Variants in SEMA5A observed in about 807,000 individuals in gnomAD.
SEMA5A encodes the protein semaphorin 5A.
SEMA5A carries 55 observed loss-of-function variants against 135.5 expected under a neutral mutation model. The observed-to-expected ratio is 0.41, with a 90% CI of 0.33 to 0.51. SEMA5A has a LOEUF of 0.51. Among genes scored for constraint, SEMA5A ranks in the 20% least tolerant of loss-of-function variants. The pLI, the probability that SEMA5A is intolerant of heterozygous loss-of-function variation, is 0.37. For missense variants in SEMA5A, 1,290 were observed against 1,419.9 expected (o/e 0.91, Z 1.47); for synonymous variants, 580 against 546.5 (o/e 1.06, Z -0.85).
chr5:9,540,381 A>C (rs1044052791), intron 1 of SEMA5A, among the ~76,000 whole-genome samples: 1 of 151,574 alleles, frequency 6.6e-6, no homozygotes, highest in Non-Finnish European at 1.5e-5. Flanking sequence ...CGAGGTCAGG[A>C]GATCGAGACC....
chr5:9,463,257 T>C (rs1357940264), intron 1 of SEMA5A, among the ~76,000 whole-genome samples: 2 of 152,064 alleles, frequency 1.3e-5, no homozygotes, highest in East Asian at 1.9e-4. Context: ...TAAAAGATCA[T>C]TGAAACAACT....
chr5:9,407,004 A>G (rs995660518), intron 2 of SEMA5A, among the ~76,000 whole-genome samples: 1 of 152,340 alleles, frequency 6.6e-6, no homozygotes, highest in African/African-American at 2.4e-5. Flanking sequence ...GTCATTTTGG[A>G]CAGGATACAT....
intron 17 of SEMA5A, among the ~76,000 whole-genome samples, chr5:9,063,855 T>G (rs979745762): frequency 2.6e-5 from 4 of 152,242 alleles, no homozygotes; most frequent in Non-Finnish European, 5.9e-5. Context: ...TTGTGGGTGA[T>G]GTGTACAGTG....
At chr5:9,304,172 T>G (rs1421185821) in intron 5 of SEMA5A, among the ~76,000 whole-genome samples, 1 of 152,150 alleles carries the variant, frequency 6.6e-6, no homozygotes, top group Non-Finnish European at 1.5e-5. Context: ...TGTATACCTA[T>G]TTATCTTTGT....
At chr5:9,273,171 C>A (rs114874738) in intron 5 of SEMA5A, among the ~76,000 whole-genome samples, 2,307 of 152,060 alleles carry the variant, frequency 0.015, 72 homozygotes, top group African/African-American at 0.053. Context: ...AAAAACACAG[C>A]AAGAGAAATT....
At chr5:9,502,263 T>C (rs1247116041) in intron 1 of SEMA5A, among the ~76,000 whole-genome samples, 1 of 152,160 alleles carries the variant, frequency 6.6e-6, no homozygotes, top group Admixed American at 6.5e-5. Context: ...AGGATGGGTG[T>C]AACACGCATA....
At chr5:9,201,923 A>T in intron 9 of SEMA5A, 32 bp downstream of exon 9, 11 of 1,595,194 alleles carry the variant, frequency 6.9e-6, no homozygotes, top group Non-Finnish European at 9.4e-6. Context: ...TGAGTAAGAG[A>T]GAGGGGAGAA....
At chr5:9,528,265 C>A (rs1330728512) in intron 1 of SEMA5A, among the ~76,000 whole-genome samples, 3 of 152,146 alleles carry the variant, frequency 2.0e-5, no homozygotes, top group African/African-American at 7.2e-5. Flanking sequence ...AGCAACGAAC[C>A]CTCAAGCCAT....
chr5:9,425,742 T>C (rs1176020852), intron 2 of SEMA5A, among the ~76,000 whole-genome samples: 1 of 152,232 alleles, frequency 6.6e-6, no homozygotes, highest in Admixed American at 6.5e-5. Flanking sequence ...TATAGCTGCT[T>C]TACTTTGCAA....
chr5:9,290,791 C>CAG (rs1277156584), intron 5 of SEMA5A, among the ~76,000 whole-genome samples: 1 of 152,016 alleles, frequency 6.6e-6, no homozygotes, highest in African/African-American at 2.4e-5. Context: ...ACTAGGTATC[C>CAG]AGAGACCCTC....
intron 16 of SEMA5A, among the ~76,000 whole-genome samples, chr5:9,089,397 A>T (rs757551109): frequency 3.3e-5 from 5 of 152,184 alleles, no homozygotes; most frequent in Non-Finnish European, 7.3e-5. Context: ...CTAGAGTTCA[A>T]ATGGGTCAGA....
At chr5:9,381,123 C>G (rs1435156192) in intron 2 of SEMA5A, among the ~76,000 whole-genome samples, 2 of 152,118 alleles carry the variant, frequency 1.3e-5, no homozygotes, top group East Asian at 3.8e-4. Context: ...TTTCAGGCAA[C>G]AAGCTACCAT....
At chr5:9,527,110 T>C (rs561760074) in intron 1 of SEMA5A, among the ~76,000 whole-genome samples, 41 of 152,264 alleles carry the variant, frequency 2.7e-4, no homozygotes, top group African/African-American at 9.6e-4. Flanking sequence ...CTAGTCACAG[T>C]GGGCTCAGCT....
At chr5:9,066,129 T>C (rs1737449609) in intron 17 of SEMA5A, among the ~76,000 whole-genome samples, 1 of 152,224 alleles carries the variant, frequency 6.6e-6, no homozygotes, top group Non-Finnish European at 1.5e-5. Context: ...CCCCAGTACA[T>C]TTTCTGATAC....
chr5:9,473,901 G>A (rs1187029525), intron 1 of SEMA5A, among the ~76,000 whole-genome samples: 1 of 152,152 alleles, frequency 6.6e-6, no homozygotes, highest in Admixed American at 6.5e-5. Context: ...AAAGAGCAGA[G>A]CTGTGAATCA....
intron 5 of SEMA5A, among the ~76,000 whole-genome samples, chr5:9,313,058 AC>A (rs1210070592): frequency 6.6e-6 from 1 of 152,148 alleles, no homozygotes; most frequent in East Asian, 1.9e-4. Flanking sequence ...GATGGAAAAT[AC>A]CACCCTGGAT....
Position 9,212,545 on chromosome 5 carries a change from A to C in SEMA5A, c.647-10305T>G, listed in dbSNP as rs1033678866. On this transcript the variant is annotated intron_variant, in intron 8 of 22. Transcript: ENST00000382496. ...AAATGACAATAAATAATGGCTGGAA[A>C]TGGGGGGCTAAGTGAGATGAGGGCT... is the stretch of plus-strand genomic sequence containing the variant. Among the ~76,000 whole-genome samples, 14 of 152,210 alleles carry C rather than the reference A, an allele frequency of 9.2e-5. 1 individual carries two copies. Among genetic ancestry groups the C allele is most frequent in the African/African-American group, 3.4e-4 (14 of 41,460 alleles).
intron 16 of SEMA5A, among the ~76,000 whole-genome samples, chr5:9,103,986 C>A (rs1275325434): frequency 1.3e-5 from 2 of 152,078 alleles, no homozygotes; most frequent in African/African-American, 2.4e-5. Flanking sequence ...TATAGAAAGA[C>A]AAAAAGCTCC....
At chr5:9,279,660 C>T (rs1279625606) in intron 5 of SEMA5A, among the ~76,000 whole-genome samples, 4 of 152,056 alleles carry the variant, frequency 2.6e-5, no homozygotes, top group Non-Finnish European at 1.5e-5. Context: ...GGGCAGATTT[C>T]CCCCTTGCTG....
Sources: allele counts gnomAD v4.1 joint callset (sites outside exome capture counted in the v4.1 genomes callset), GRCh38; gene constraint gnomAD v4.1.1; transcripts MANE v1.5; gene names NCBI Gene and HGNC (gene_info 2026-07-23, HGNC 2026-07-21).